The following NTRK2 variants were observed in gnomAD, a reference collection of about 807,000 sequenced individuals.
NTRK2 encodes BDNF/NT-3 growth factors receptor.
NTRK2 carries 13 observed loss-of-function variants against 94.5 expected under a neutral mutation model. That is an observed-to-expected ratio of 0.14 (90% CI 0.09 to 0.22). The LOEUF is 0.22. Among genes scored for constraint, NTRK2 ranks in the 10% least tolerant of loss-of-function variants. NTRK2 has a pLI of 1.00. For missense variants in NTRK2, 639 were observed against 1,071.2 expected, an observed-to-expected ratio of 0.60 and a Z score of 5.63; for synonymous variants, 372 against 407.4, an observed-to-expected ratio of 0.91 and a Z score of 1.05.
At chr9:84,773,028 G>A (rs982044811) in intron 12 of NTRK2, among the ~76,000 whole-genome samples, 1 of 152,232 alleles carries the variant, frequency 6.6e-6, no homozygotes, top group South Asian at 2.1e-4. Flanking sequence ...ATGTCTAAAT[G>A]TGAAGAGTGA....
intron 14 of NTRK2, among the ~76,000 whole-genome samples, chr9:84,889,579 A>C (rs2076535730): frequency 1.3e-5 from 2 of 151,204 alleles, no homozygotes; most frequent in South Asian, 4.2e-4. Context: ...CACCCAGCTC[A>C]TTTTTGCATT....
chr9:84,925,104 A>C (rs2077709721), intron 14 of NTRK2, among the ~76,000 whole-genome samples: 2 of 151,972 alleles, frequency 1.3e-5, no homozygotes, highest in Non-Finnish European at 2.9e-5. Flanking sequence ...TTCTCTGTTC[A>C]GAATTTTTCT....
chr9:84,976,752 A>G (rs1234338756), intron 17 of NTRK2, among the ~76,000 whole-genome samples: 1 of 152,208 alleles, frequency 6.6e-6, no homozygotes, highest in East Asian at 1.9e-4. Context: ...AAACACAACT[A>G]GAGAACTCTG....
chr9:84,758,452 C>T (rs908623674), intron 12 of NTRK2, among the ~76,000 whole-genome samples: 14 of 152,052 alleles, frequency 9.2e-5, no homozygotes, highest in African/African-American at 3.4e-4. Flanking sequence ...AGTGCAGTGG[C>T]ATGATCTCGG....
rs753779657 is a variant in NTRK2 at position 84,955,418 on chromosome 9, C to T, written c.2073C>T (p.Arg691=). The T allele has an allele frequency of 9.3e-6, 15 of 1,614,232 alleles. 1 individual carries two copies. Among genetic ancestry groups the T allele is most frequent in the South Asian group, 6.6e-5 (6 of 91,084 alleles). ...VYLASQHFVH[R]DLATRNCLVG... ...TGGCGTCCCAGCACTTCGTGCACCG[C>T]GATTTGGCCACCAGGAACTGCCTGG... The change falls in exon 17 of 19, where the codon CGC becomes CGT. Residue 691 remains arginine, a synonymous_variant. Transcript: ENST00000277120.
intron 5 of NTRK2, 72 bp downstream of exon 5, chr9:84,707,984 A>G (rs190047611): frequency 1.1e-4 from 135 of 1,198,924 alleles, no homozygotes; most frequent in Admixed American, 1.7e-4. Context: ...TTTTTCTTTT[A>G]ATGAGTGATG....
At chr9:84,978,300 C>G (rs921352177) in intron 17 of NTRK2, among the ~76,000 whole-genome samples, 10 of 152,170 alleles carry the variant, frequency 6.6e-5, no homozygotes, top group African/African-American at 2.4e-5. Flanking sequence ...AAGTGCTGCT[C>G]CAGTGAACAC....
At chr9:84,955,555 T>C (rs2132981344) in intron 17 of NTRK2, 38 bp downstream of exon 17, 1 of 1,528,824 alleles carries the variant, frequency 6.5e-7, no homozygotes, top group Non-Finnish European at 9.0e-7. Flanking sequence ...CAGGGACCTC[T>C]TTCCCTGCGG....
intron 4 of NTRK2, among the ~76,000 whole-genome samples, chr9:84,706,298 C>G (rs1305408852): frequency 6.6e-6 from 1 of 152,002 alleles, no homozygotes; most frequent in Non-Finnish European, 1.5e-5. Flanking sequence ...GGAGTGGACA[C>G]ACACATTCAT....
intron 12 of NTRK2, among the ~76,000 whole-genome samples, chr9:84,768,377 G>A (rs1254255273): frequency 6.6e-6 from 1 of 152,060 alleles, no homozygotes; most frequent in Non-Finnish European, 1.5e-5. Flanking sequence ...TTTTGTTTGT[G>A]GAAGACACTC....
intron 17 of NTRK2, among the ~76,000 whole-genome samples, chr9:84,992,963 A>T (rs11140822): frequency 0.48 from 71,610 of 150,468 alleles, 17,576 homozygotes; most frequent in Middle Eastern, 0.57. Context: ...GGTTCTCACT[A>T]AACCCTTAGT....
chr9:84,865,629 TA>T (rs1186540366), intron 13 of NTRK2, among the ~76,000 whole-genome samples: 1 of 152,122 alleles, frequency 6.6e-6, no homozygotes, highest in African/African-American at 2.4e-5. Flanking sequence ...ATGCATTTAG[TA>T]GGGGGGGTTG....
At chr9:84,970,125 T>TA (rs1826011717) in intron 17 of NTRK2, among the ~76,000 whole-genome samples, 1 of 152,148 alleles carries the variant, frequency 6.6e-6, no homozygotes, top group Non-Finnish European at 1.5e-5. Flanking sequence ...GCATGGTGGT[T>TA]CATGCCTGTA....
chr9:84,708,747 G>A (rs190850270), intron 5 of NTRK2, among the ~76,000 whole-genome samples: 229 of 152,330 alleles, frequency 1.5e-3, no homozygotes, highest in African/African-American at 5.2e-3. Context: ...CAAGGAAATT[G>A]TGCAGATTGG....
chr9:84,710,510 T>C, intron 5 of NTRK2, 127 bp from the exon 6 acceptor site: 1 of 934,676 alleles, frequency 1.1e-6, no homozygotes, highest in South Asian at 1.4e-5. Flanking sequence ...TGTCATGCTA[T>C]GAAAGTGGTA....
At chr9:84,752,185 G>T (rs1360694122) in intron 12 of NTRK2, 100 bp downstream of exon 12, 3 of 933,894 alleles carry the variant, frequency 3.2e-6, no homozygotes, top group East Asian at 5.1e-5. Context: ...GATTTATGAT[G>T]ATTAGGTTTT....
At chr9:84,970,695 C>A (rs1320455837) in intron 17 of NTRK2, among the ~76,000 whole-genome samples, 1 of 152,164 alleles carries the variant, frequency 6.6e-6, no homozygotes, top group Non-Finnish European at 1.5e-5. Flanking sequence ...TACCCAAGAG[C>A]CTTGCTGAAA....
At chr9:84,922,272 A>T (rs1176067186) in intron 14 of NTRK2, among the ~76,000 whole-genome samples, 2 of 152,226 alleles carry the variant, frequency 1.3e-5, no homozygotes, top group African/African-American at 4.8e-5. Context: ...CATTGTGTCC[A>T]ACAACGTTCT....
In NTRK2 at chr9:84,870,331, GTATATATATATATA is replaced by G. The variant is rs1158637577; in HGVS notation, c.1633+2921_1633+2934del. 1.5e-3 allele frequency among the ~76,000 whole-genome samples: 46 copies of G among 31,180 alleles called. 3 individuals are homozygous for G. Among genetic ancestry groups the G allele is most frequent in the East Asian group, 6.7e-3 (6 of 894 alleles). 20.5% of individuals were successfully genotyped at this position (31,180 alleles called of 152,430 possible). ...ATACATATATGTGGGGTGTGTGTGT[GTATATATATATATA>G]TATATATATATATATATATAAAACT... is the stretch of plus-strand genomic sequence containing the variant. On this transcript the variant is annotated intron_variant, in intron 14 of 18. Transcript: ENST00000277120.
Sources: allele counts gnomAD v4.1 joint callset (sites outside exome capture counted in the v4.1 genomes callset), GRCh38; gene constraint gnomAD v4.1.1; transcripts MANE v1.5; gene names NCBI Gene and HGNC (gene_info 2026-07-23, HGNC 2026-07-21).